The following CHRNA7 variants were observed in gnomAD, a reference collection of about 807,000 sequenced individuals.
CHRNA7 encodes neuronal acetylcholine receptor subunit alpha-7.
A neutral mutation model predicts 48.0 loss-of-function variants in CHRNA7; 17 were observed. The observed-to-expected ratio is 0.35, with a 90% CI of 0.24 to 0.53. The LOEUF is 0.53. Among genes scored for constraint, CHRNA7 ranks in the 20% least tolerant of loss-of-function variants. The pLI, the probability that CHRNA7 is intolerant of heterozygous loss-of-function variation, is 0.92. For missense variants in CHRNA7, 155 were observed against 577.7 expected, an observed-to-expected ratio of 0.27 and a Z score of 7.50; for synonymous variants, 75 against 242.3, an observed-to-expected ratio of 0.31 and a Z score of 6.41.
intron 2 of CHRNA7, among the ~76,000 whole-genome samples, chr15:32,090,867 A>C (rs1269448025): frequency 1.3e-5 from 2 of 152,122 alleles, no homozygotes; most frequent in Non-Finnish European, 2.9e-5. Context: ...TATTTTATAC[A>C]CACATTGAAT....
intron 2 of CHRNA7, among the ~76,000 whole-genome samples, chr15:32,065,130 A>G (rs893175895): frequency 1.3e-5 from 2 of 152,188 alleles, no homozygotes. Flanking sequence ...GGGAGCATTT[A>G]TTTTTTATAA....
intron 2 of CHRNA7, among the ~76,000 whole-genome samples, chr15:32,057,539 T>C (rs1223405234): frequency 6.6e-6 from 1 of 152,206 alleles, no homozygotes; most frequent in African/African-American, 2.4e-5. Context: ...CACTGAAATA[T>C]ATTTCGGGTT....
intron 2 of CHRNA7, among the ~76,000 whole-genome samples, chr15:32,050,863 C>A (rs934679988): frequency 8.5e-5 from 13 of 152,318 alleles, no homozygotes; most frequent in Admixed American, 2.0e-4. Context: ...TTCCTTCTAA[C>A]AGACAGGACC....
intron 4 of CHRNA7, among the ~76,000 whole-genome samples, chr15:32,150,066 A>T (rs943405269): frequency 6.6e-6 from 1 of 151,902 alleles, no homozygotes; most frequent in Non-Finnish European, 1.5e-5. Context: ...ATTTTATTTT[A>T]TTAGAGACAG....
At chr15:32,138,731 A>AGGTTTTGTTTTGTTT (rs1555386941) in intron 4 of CHRNA7, among the ~76,000 whole-genome samples, 1 of 146,106 alleles carries the variant, frequency 6.8e-6, no homozygotes, top group Non-Finnish European at 1.5e-5. Flanking sequence ...TTGACCTGTT[A>AGGTTTTGTTTTGTTT]TGTTTTGTTT....
chr15:32,119,210 A>G (rs1265308315), intron 4 of CHRNA7, among the ~76,000 whole-genome samples: 1 of 152,148 alleles, frequency 6.6e-6, no homozygotes, highest in Non-Finnish European at 1.5e-5. Flanking sequence ...TGGTGGACCA[A>G]TTCCCCTGTT....
Position 32,096,257 on chromosome 15 carries a change from T to C in CHRNA7, c.196-5046T>C, listed in dbSNP as rs1218606296. ...CTTTGTTATTTTCAGGTATCGTCAA[T>C]ACCTGATACCTGATATTTATTGATA... On this transcript the variant is annotated intron_variant, in intron 2 of 9. Transcript: ENST00000306901. Among the ~76,000 whole-genome samples the C allele has an allele frequency of 2.6e-5, 4 of 152,250 alleles. No homozygotes were observed. The East Asian group carries it at 7.7e-4, about 29-fold the overall frequency.
intron 3 of CHRNA7, among the ~76,000 whole-genome samples, chr15:32,110,700 G>GCGTCAAA (rs2050749289): frequency 6.6e-6 from 1 of 152,114 alleles, no homozygotes; most frequent in Non-Finnish European, 1.5e-5. Context: ...CTTTGATGTT[G>GCGTCAAA]TTTTCGTAAC....
At chr15:32,091,483 T>G (rs1021642285) in intron 2 of CHRNA7, among the ~76,000 whole-genome samples, 1 of 152,190 alleles carries the variant, frequency 6.6e-6, no homozygotes, top group African/African-American at 2.4e-5. Flanking sequence ...GCTTTGTGAA[T>G]TGGTTACATT....
intron 4 of CHRNA7, among the ~76,000 whole-genome samples, chr15:32,121,983 T>G (rs1280771105): frequency 6.6e-6 from 1 of 152,218 alleles, no homozygotes; most frequent in Non-Finnish European, 1.5e-5. Context: ...CTGGCCACAG[T>G]CGCCTACTCT....
intron 2 of CHRNA7, among the ~76,000 whole-genome samples, chr15:32,058,112 A>T (rs1191322169): frequency 6.6e-6 from 1 of 152,130 alleles, no homozygotes; most frequent in African/African-American, 2.4e-5. Context: ...GTAGGCTTTT[A>T]ATTCTGCTTC....
intron 4 of CHRNA7, 50 bp downstream of exon 4, chr15:32,111,949 T>A: frequency 9.7e-7 from 1 of 1,030,330 alleles, no homozygotes; most frequent in Non-Finnish European, 1.5e-6. Flanking sequence ...TGCATACATG[T>A]AGCTATCACG....
intron 4 of CHRNA7, among the ~76,000 whole-genome samples, chr15:32,136,515 G>C (rs1212910141): frequency 2.1e-5 from 3 of 144,996 alleles, no homozygotes; most frequent in Non-Finnish European, 4.6e-5. Context: ...AAAAAAAAAA[G>C]ATGGAATTAA....
chr15:32,145,858 C>T (rs1467934474), intron 4 of CHRNA7, among the ~76,000 whole-genome samples: 2 of 152,326 alleles, frequency 1.3e-5, no homozygotes, highest in South Asian at 2.1e-4. Flanking sequence ...AGGGAAATCC[C>T]CCAACCCCTT....
chr15:32,105,550 CAAG>C (rs747228254), intron 3 of CHRNA7, among the ~76,000 whole-genome samples: 11 of 151,906 alleles, frequency 7.2e-5, no homozygotes, highest in Admixed American at 2.0e-4. Context: ...ATTAAAATAG[CAAG>C]AACAAGTATC....
intron 2 of CHRNA7, among the ~76,000 whole-genome samples, chr15:32,070,667 TCC>T (rs2050040697): frequency 7.4e-6 from 1 of 135,500 alleles, no homozygotes; most frequent in Non-Finnish European, 1.6e-5. Flanking sequence ...GAGGTTTAGT[TCC>T]TTTTTTTTTT....
At chr15:32,139,756 G>A (rs1052081791) in intron 4 of CHRNA7, among the ~76,000 whole-genome samples, 6 of 151,770 alleles carry the variant, frequency 4.0e-5, no homozygotes, top group African/African-American at 1.5e-4. Context: ...GTATATTTTG[G>A]ATTACAGTTC....
At chr15:32,088,349 T>C (rs1028938351) in intron 2 of CHRNA7, among the ~76,000 whole-genome samples, 5 of 152,216 alleles carry the variant, frequency 3.3e-5, no homozygotes, top group African/African-American at 1.2e-4. Flanking sequence ...TTATAAGACA[T>C]CCTGATTGCA....
chr15:32,032,516 GA>G (rs1183171154), intron 2 of CHRNA7, among the ~76,000 whole-genome samples: 1 of 152,326 alleles, frequency 6.6e-6, no homozygotes, highest in African/African-American at 2.4e-5. Context: ...CTTAAAGCTA[GA>G]TATGTGATTA....
Sources: gnomAD v4.1 joint callset for allele counts (sites outside exome capture counted in the v4.1 genomes callset) on GRCh38, gnomAD v4.1.1 for gene constraint, MANE v1.5 for transcripts, NCBI Gene and HGNC (gene_info 2026-07-23, HGNC 2026-07-21) for gene names.